Variants in SHISA7 observed in about 807,000 individuals in gnomAD.
SHISA7 encodes the protein shisa family member 7, also known as protein shisa-7.
SHISA7 carries 6 observed loss-of-function variants against 23.9 expected under a neutral mutation model. That is an observed-to-expected ratio of 0.25 (90% CI 0.14 to 0.50). The LOEUF (loss-of-function observed/expected upper bound fraction) is 0.50. Ranked by LOEUF, SHISA7 falls within the 20% of genes least tolerant of loss-of-function variation. The pLI is 0.98. For missense variants in SHISA7, 671 were observed against 801.1 expected (o/e 0.84, Z 1.96); for synonymous variants, 386 against 398.3 (o/e 0.97, Z 0.37).
In SHISA7 at chr19:55,433,147, G is replaced by GC. The variant is rs899572320; in HGVS notation, c.*8dup. 3.3e-6 allele frequency: 5 copies of GC among 1,517,018 alleles called. No individual in the cohort carries two copies. The African/African-American group carries it at 7.2e-5, about 22-fold the overall frequency. The allele number at this position is 1,517,018 out of a possible 1,614,324, so 94.0% of individuals were successfully genotyped here. ...GGGAGGCCGCAGCCCCCCAGACCCG[G>GC]CCCTGGCCTCAGACAGTCACCTCGT... is the stretch of plus-strand genomic sequence containing the variant. On this transcript the variant is annotated 3_prime_UTR_variant, in exon 4 of 4. Transcript: ENST00000376325. This position sits in a 1 kb window ranked among gnomAD's most constrained non-coding sequence, Gnocchi z 8.4.
intron 2 of SHISA7, among the ~76,000 whole-genome samples, chr19:55,438,891 G>T (rs1181129739): frequency 1.3e-5 from 2 of 151,832 alleles, no homozygotes; most frequent in African/African-American, 4.9e-5. Flanking sequence ...TGGTGCCCAG[G>T]CTAGAGATCT....
At position 55,442,989 on chromosome 19, in the gene SHISA7, G is replaced by T. The variant is rs985564059; in HGVS notation, c.-126C>A. 1 of 379,542 alleles carries T rather than the reference G, an allele frequency of 2.6e-6. No individual in the cohort carries two copies. The highest frequency in any genetic ancestry group is 2.2e-5 in the African/African-American group (1 of 45,522). The allele number at this position is 379,542 out of a possible 1,614,324, so 23.5% of individuals were successfully genotyped here. ...GTAGAGATGGGTGGGCAGAGAGGCT[G>T]GGGAGGGCGGGCGGGGGGCGGCAGA... On this transcript the variant is annotated 5_prime_UTR_variant, in exon 1 of 4. Coordinates refer to ENST00000376325, the MANE Select transcript of SHISA7 (RefSeq NM_001145176.2).
rs4075908 is a variant in SHISA7, at chr19:55,430,460, G to A, written c.*2696C>T. On this transcript the variant is annotated 3_prime_UTR_variant, in exon 4 of 4. Transcript: ENST00000376325. ...TCTTGGGGGATGATGGCACATGGTTGCAGTGGACTCTGGGATGACACCAGG... is the reference window on the plus strand; with the variant it reads ...TCTTGGGGGATGATGGCACATGGTTACAGTGGACTCTGGGATGACACCAGG... 0.34 allele frequency: 52,043 copies of A among 152,228 alleles called. 10,836 individuals carry two copies. Among genetic ancestry groups the A allele is most frequent in the East Asian group, 0.79 (4,082 of 5,172 alleles). The allele number at this position is 152,228 out of a possible 1,614,324, so 9.4% of individuals were successfully genotyped here. A position where few individuals can be genotyped will look rare whatever the true frequency, so the allele number is the denominator to read the frequency against.
intron 2 of SHISA7, chr19:55,438,492 G>C: frequency 7.9e-7 from 1 of 1,263,496 alleles, no homozygotes; most frequent in South Asian, 1.2e-5. Context: ...CACCTGGCAT[G>C]GCTGGCCCAA....
chr19:55,433,741 G>A lies in SHISA7; in HGVS notation c.1032C>T (p.Arg344=). Reference sequence around the variant, plus strand: ...GCAGCGCGTGCAGGGGCAGCGTGCCGCGGGGCAATTCCAGGGGCCGGCGCT... The same window carrying A: ...GCAGCGCGTGCAGGGGCAGCGTGCCACGGGGCAATTCCAGGGGCCGGCGCT... The part of the protein sequence containing the change: ...YLKRRPLELP[R]GTLPLHALRR... The change falls in exon 4 of 4, where the codon CGC becomes CGT. Residue 344 remains arginine (R), a synonymous_variant. Coordinates refer to ENST00000376325, the MANE Select transcript of SHISA7 (RefSeq NM_001145176.2). The surrounding 1 kb of genome is among the most constrained non-coding windows in gnomAD (Gnocchi z 8.4). 2 of 1,460,504 alleles carry A rather than the reference G, an allele frequency of 1.4e-6. No individual in the cohort carries two copies. The highest frequency in any genetic ancestry group is 1.8e-6 in the Non-Finnish European group (2 of 1,115,968). The allele number at this position is 1,460,504 out of a possible 1,614,324, so 90.5% of individuals were successfully genotyped here. A position where few individuals can be genotyped will look rare whatever the true frequency, so the allele number is the denominator to read the frequency against.
chr19:55,440,623 T>G lies in SHISA7; in HGVS notation c.814A>C (p.Thr272Pro), dbSNP rs536567647. Residue 272 changes from threonine (T) to proline (P), a missense_variant, in exon 2 of 4, where the codon ACC becomes CCC. Physicochemically the swap from Thr to Pro is conservative, Grantham distance 38. Around this residue, in one of 5 missense-constraint regions of SHISA7, gnomAD observed 457 missense variants for 488.3 expected, o/e 0.94. Transcript: ENST00000376325. ...TPKNLYNTVK[T>P]PNLDWRALPP... The stretch of plus-strand genomic sequence containing the variant: ...ACGTTCCACTCACCGAGGTTGGGGG[T>G]CTTCACGGTGTTGTAGAGGTTCTTG... The G allele has an allele frequency of 4.4e-5, 55 of 1,249,246 alleles. No individual in the cohort carries two copies. In the African/African-American group the frequency reaches 7.9e-4, roughly 18 times the overall value. 77.4% of individuals were successfully genotyped at this position (1,249,246 alleles called of 1,614,324 possible). A position where few individuals can be genotyped will look rare whatever the true frequency, so the allele number is the denominator to read the frequency against.
chr19:55,433,821 C>T lies in SHISA7; in HGVS notation c.977-25G>A. The T allele has an allele frequency of 7.3e-7, 1 of 1,375,594 alleles. No homozygotes were observed. Among genetic ancestry groups the T allele is most frequent in the Non-Finnish European group, 9.3e-7 (1 of 1,072,578 alleles). 85.2% of individuals were successfully genotyped at this position (1,375,594 alleles called of 1,614,324 possible). Reference sequence around the variant, plus strand: ...GCTGCGGGGAGAGGGGGAAAAGCCACAGCCGTGGGTCCCCTGCGCATCTAG... The same window carrying T: ...GCTGCGGGGAGAGGGGGAAAAGCCATAGCCGTGGGTCCCCTGCGCATCTAG... On this transcript the variant is annotated intron_variant, in intron 3 of 3. Coordinates refer to ENST00000376325, the MANE Select transcript of SHISA7 (RefSeq NM_001145176.2). This position sits in a 1 kb window ranked among gnomAD's most constrained non-coding sequence, Gnocchi z 8.4.
At position 55,433,533 on chromosome 19, in the gene SHISA7, G is replaced by A. The variant is rs765824069; in HGVS notation, c.1240C>T (p.Leu414=). 6.7e-7 allele frequency: 1 copy of A among 1,490,270 alleles called. No individual in the cohort carries two copies. Among genetic ancestry groups the A allele is most frequent in the South Asian group, 1.3e-5 (1 of 79,622 alleles). The allele number at this position is 1,490,270 out of a possible 1,614,324, so 92.3% of individuals were successfully genotyped here. A position where few individuals can be genotyped will look rare whatever the true frequency, so the allele number is the denominator to read the frequency against. The change falls in exon 4 of 4, where the codon CTG becomes TTG. Residue 414 remains leucine (L), a synonymous_variant. Coordinates refer to ENST00000376325, the MANE Select transcript of SHISA7 (RefSeq NM_001145176.2). This position sits in a 1 kb window ranked among gnomAD's most constrained non-coding sequence, Gnocchi z 8.4. ...RARLVSQEHL[L]LSSPEALRQS... is the part of the protein sequence containing the mutation. Reference sequence around the variant, plus strand: ...CGCAGGGCCTCGGGCGAGGACAGCAGCAGGTGCTCCTGCGACACCAGGCGC... The same window carrying A: ...CGCAGGGCCTCGGGCGAGGACAGCAACAGGTGCTCCTGCGACACCAGGCGC...
intron 2 of SHISA7, among the ~76,000 whole-genome samples, chr19:55,439,945 T>C (rs1334458316): frequency 6.6e-6 from 1 of 151,946 alleles, no homozygotes; most frequent in Non-Finnish European, 1.5e-5. Context: ...TCTCCACTGA[T>C]GCATTCATCA....
Position 55,433,506 on chromosome 19 carries a change from G to C in SHISA7, c.1267C>G (p.Gln423Glu). Residue 423 changes from glutamine (Q) to glutamate (E), a missense_variant, in exon 4 of 4, where the codon CAG (glutamine) becomes GAG (glutamate). By Grantham distance (29) the Gln-to-Glu change is conservative (BLOSUM62 2). This residue lies in a region of SHISA7 where 457 missense variants were observed against 488.3 expected (regional missense o/e 0.94). Coordinates refer to ENST00000376325, the MANE Select transcript of SHISA7 (RefSeq NM_001145176.2). This position sits in a 1 kb window ranked among gnomAD's most constrained non-coding sequence, Gnocchi z 8.4. ...LLLSSPEALR[Q>E]SREHLLSPPR... ...GGCGACAGCAGGTGCTCGCGACTCT[G>C]GCGCAGGGCCTCGGGCGAGGACAGC... 6.8e-7 allele frequency: 1 copy of C among 1,463,834 alleles called. No homozygotes were observed. The highest frequency in any genetic ancestry group is 1.3e-5 in the South Asian group (1 of 76,600). 90.7% of individuals were successfully genotyped at this position (1,463,834 alleles called of 1,614,324 possible).
rs973995407 is a variant in SHISA7 at position 55,431,483 on chromosome 19, A to G, written c.*1673T>C. 2.0e-5 allele frequency: 3 copies of G among 152,104 alleles called. No homozygotes were observed. Among genetic ancestry groups the G allele is most frequent in the African/African-American group, 4.8e-5 (2 of 41,400 alleles). 9.4% of individuals were successfully genotyped at this position (152,104 alleles called of 1,614,324 possible). A position where few individuals can be genotyped will look rare whatever the true frequency, so the allele number is the denominator to read the frequency against. On this transcript the variant is annotated 3_prime_UTR_variant, in exon 4 of 4. Coordinates refer to ENST00000376325, the MANE Select transcript of SHISA7 (RefSeq NM_001145176.2). ...ATGGAGGATGGTGACACCATTGGCT[A>G]TGGGGAGTCTTGGCAGATGGTGACA...
At chr19:55,438,552 C>T in intron 2 of SHISA7, 1 of 1,304,312 alleles carries the variant, frequency 7.7e-7, no homozygotes, top group Non-Finnish European at 1.0e-6. Context: ...GCCGGGCCCT[C>T]TTCCGCACCC....
chr19:55,433,015 G>C lies in SHISA7; in HGVS notation c.*141C>G. ...TAGGAGGAGGAATCTTGTCTGCCAGGACATCCCAGAAGGAGGCTTTCACTC... is the reference window on the plus strand; with the variant it reads ...TAGGAGGAGGAATCTTGTCTGCCAGCACATCCCAGAAGGAGGCTTTCACTC... On this transcript the variant is annotated 3_prime_UTR_variant, in exon 4 of 4. Coordinates refer to ENST00000376325, the MANE Select transcript of SHISA7 (RefSeq NM_001145176.2). The surrounding 1 kb of genome is among the most constrained non-coding windows in gnomAD (Gnocchi z 8.4). 1.9e-6 allele frequency: 2 copies of C among 1,025,776 alleles called. No homozygotes were observed. Among genetic ancestry groups the C allele is most frequent in the Non-Finnish European group, 2.7e-6 (2 of 752,562 alleles). The allele number at this position is 1,025,776 out of a possible 1,614,324, so 63.5% of individuals were successfully genotyped here.
At chr19:55,435,101 T>G (rs1346183218) in intron 3 of SHISA7, among the ~76,000 whole-genome samples, 1 of 51,954 alleles carries the variant, frequency 1.9e-5, no homozygotes, top group Non-Finnish European at 4.2e-5. Flanking sequence ...TGTGTGTGTA[T>G]GGTGTGTGTG....
chr19:55,441,478 G>A (rs1985597087), intron 1 of SHISA7, among the ~76,000 whole-genome samples: 1 of 152,230 alleles, frequency 6.6e-6, no homozygotes, highest in Admixed American at 6.5e-5. Flanking sequence ...CTGCCCTGCA[G>A]GCCACCGAGG....
At chr19:55,438,496 G>A in intron 2 of SHISA7, 2 of 1,269,974 alleles carry the variant, frequency 1.6e-6, no homozygotes, top group Non-Finnish European at 2.1e-6. Flanking sequence ...TGGCATGGCT[G>A]GCCCAACACA....
chr19:55,440,651 C>A lies in SHISA7; in HGVS notation c.786G>T (p.Thr262=). 4 of 1,249,722 alleles carry A rather than the reference C, an allele frequency of 3.2e-6. No homozygotes were observed. The highest frequency in any genetic ancestry group is 4.0e-6 in the Non-Finnish European group (4 of 988,220). The allele number at this position is 1,249,722 out of a possible 1,614,324, so 77.4% of individuals were successfully genotyped here. The change falls in exon 2 of 4, where the codon ACG becomes ACT. Residue 262 remains threonine, a synonymous_variant. Transcript: ENST00000376325. ...TCACGGTGTTGTAGAGGTTCTTGGG[C>A]GTCCTGGGGGGCATGCTGTCGGGAC... The part of the protein sequence containing the change: ...IGGPDSMPPR[T]PKNLYNTVKT...
rs575041331 is a variant in SHISA7, at chr19:55,440,859, G to A, written c.672-94C>T. 45 of 1,159,734 alleles carry A rather than the reference G, an allele frequency of 3.9e-5. No homozygotes were observed. In the South Asian group the frequency reaches 9.3e-4, roughly 24 times the overall value. The allele number at this position is 1,159,734 out of a possible 1,614,324, so 71.8% of individuals were successfully genotyped here. A position where few individuals can be genotyped will look rare whatever the true frequency, so the allele number is the denominator to read the frequency against. ...TTCCGCTCCCTGCTCTCGCCCTTGG[G>A]TAATCTGTCACTCAGCCTGCCTTTT... On this transcript the variant is annotated intron_variant, in intron 1 of 3. Coordinates refer to ENST00000376325, the MANE Select transcript of SHISA7 (RefSeq NM_001145176.2).
rs1401441398 is a variant in SHISA7, at chr19:55,433,407, G to A, written c.1366C>T (p.Leu456=). The change falls in exon 4 of 4, where the codon CTG becomes TTG. Residue 456 remains leucine, a synonymous_variant. Transcript: ENST00000376325. The surrounding 1 kb of genome is among the most constrained non-coding windows in gnomAD (Gnocchi z 8.4). ...SLAASHSNLL[L]GPGGPPTPLR... The stretch of plus-strand genomic sequence containing the variant: ...GGTGTTGGGGGCCCCCCGGGCCCCA[G>A]CAGCAGGTTGGAGTGCGAGGCGGCC... The A allele has an allele frequency of 3.8e-6, 5 of 1,325,192 alleles. No homozygotes were observed. Among genetic ancestry groups the A allele is most frequent in the Non-Finnish European group, 4.8e-6 (5 of 1,046,110 alleles). 82.1% of individuals were successfully genotyped at this position (1,325,192 alleles called of 1,614,324 possible).
Sources: allele counts gnomAD v4.1 joint callset (sites outside exome capture counted in the v4.1 genomes callset), GRCh38; gene constraint gnomAD v4.1.1; regional missense constraint gnomAD v4.1.1; non-coding constraint Gnocchi (gnomAD v3.1); transcripts MANE v1.5; gene names NCBI Gene and HGNC (gene_info 2026-07-23, HGNC 2026-07-21).